The following PRKN variants were observed in gnomAD, a reference collection of about 807,000 sequenced individuals.
PRKN encodes the protein E3 ubiquitin-protein ligase parkin.
A neutral mutation model predicts 59.5 loss-of-function variants in PRKN; 56 were observed. The ratio of observed to expected loss-of-function variants is 0.94; its 90% CI spans 0.76 to 1.18. The LOEUF (loss-of-function observed/expected upper bound fraction) is 1.18, where lower values mean the gene tolerates loss of function less well. Among genes scored for constraint, PRKN ranks in the 50% most tolerant of loss-of-function variants. The probability of loss-of-function intolerance (pLI) is 0.00; values close to 1 mark genes in which losing one functional copy is unlikely to be tolerated. For missense variants in PRKN, 657 were observed against 596.4 expected (o/e 1.10, Z -1.06); for synonymous variants, 250 against 222.1 (o/e 1.13, Z -1.12).
intron 9 of PRKN, among the ~76,000 whole-genome samples, chr6:161,421,440 C>T (rs1047685518): frequency 2.6e-5 from 4 of 152,150 alleles, no homozygotes; most frequent in African/African-American, 9.7e-5. Flanking sequence ...GAACCAATGT[C>T]CTGAGTTCAT....
intron 10 of PRKN, among the ~76,000 whole-genome samples, chr6:161,368,876 CAT>C (rs1434031114): frequency 5.3e-5 from 8 of 152,216 alleles, no homozygotes; most frequent in African/African-American, 9.7e-5. Flanking sequence ...CTGCACCTAA[CAT>C]GTGGGAAAGG....
intron 2 of PRKN, among the ~76,000 whole-genome samples, chr6:162,330,045 G>A (rs921410209): frequency 3.9e-5 from 6 of 152,118 alleles, no homozygotes; most frequent in South Asian, 2.1e-4. Flanking sequence ...ATAGCTCTAC[G>A]TCTTAGAAAG....
At chr6:162,178,971 G>A (rs902007393) in intron 4 of PRKN, among the ~76,000 whole-genome samples, 74 of 152,160 alleles carry the variant, frequency 4.9e-4, no homozygotes, top group East Asian at 4.5e-3. Context: ...TCCTGGCCTC[G>A]AGCGATCCTC....
rs1396751647 is a variant in PRKN at position 161,663,318 on chromosome 6, T to C, written c.872-93902A>G. ...AGCTCTGACACCGGACCTTCGACTT[T>C]GGCGAAGTCTCTGACCACTCTGTGT... On this transcript the variant is annotated intron_variant, in intron 7 of 11. Coordinates refer to ENST00000366898, the MANE Select transcript of PRKN (RefSeq NM_004562.3). Among the ~76,000 whole-genome samples, 7 of 152,314 alleles carry C rather than the reference T, an allele frequency of 4.6e-5. No individual in the cohort carries two copies. In the East Asian group the frequency reaches 1.2e-3, roughly 25 times the overall value.
At chr6:161,611,940 C>A (rs1274962665) in intron 7 of PRKN, among the ~76,000 whole-genome samples, 1 of 152,144 alleles carries the variant, frequency 6.6e-6, no homozygotes, top group East Asian at 1.9e-4. Flanking sequence ...AAGCAAACAG[C>A]CTTATTGCTG....
intron 9 of PRKN, among the ~76,000 whole-genome samples, chr6:161,506,674 T>A (rs4708912): frequency 6.6e-6 from 1 of 151,920 alleles, no homozygotes; most frequent in African/African-American, 2.4e-5. Flanking sequence ...GAGTGGCAGG[T>A]GGCTGTGGGG....
At chr6:162,034,306 C>T (rs920396457) in intron 5 of PRKN, among the ~76,000 whole-genome samples, 6 of 151,696 alleles carry the variant, frequency 4.0e-5, no homozygotes, top group African/African-American at 9.7e-5. Context: ...ATGGAAGATG[C>T]TATTATTATT....
chr6:162,052,774 C>T (rs569765816), intron 5 of PRKN, among the ~76,000 whole-genome samples: 1 of 149,892 alleles, frequency 6.7e-6, no homozygotes, highest in East Asian at 2.0e-4. Context: ...AGAATGTTGA[C>T]CCTAAAAACT....
intron 1 of PRKN, chr6:162,568,389 G>C: frequency 2.1e-6 from 1 of 470,124 alleles, no homozygotes; most frequent in South Asian, 2.3e-5. Context: ...ATGTCCATCA[G>C]GGTGACCCAG....
intron 2 of PRKN, among the ~76,000 whole-genome samples, chr6:162,282,325 T>C (rs1235836580): frequency 6.7e-6 from 1 of 150,364 alleles, no homozygotes; most frequent in Non-Finnish European, 1.5e-5. Context: ...AAGAAGAGTA[T>C]ATTAAAAAAA....
At chr6:161,366,662 A>G (rs1785211500) in intron 10 of PRKN, among the ~76,000 whole-genome samples, 1 of 152,168 alleles carries the variant, frequency 6.6e-6, no homozygotes, top group African/African-American at 2.4e-5. Context: ...CAACTGTAAC[A>G]ACAGCTGGGT....
At chr6:162,719,911 A>AC (rs1778870168) in intron 1 of PRKN, among the ~76,000 whole-genome samples, 5 of 150,768 alleles carry the variant, frequency 3.3e-5, no homozygotes, top group African/African-American at 1.2e-4. Flanking sequence ...AAAAAAAAAA[A>AC]AAAAAAAACT....
intron 9 of PRKN, among the ~76,000 whole-genome samples, chr6:161,411,435 T>C (rs1040264534): frequency 1.3e-5 from 2 of 152,182 alleles, no homozygotes; most frequent in South Asian, 2.1e-4. Flanking sequence ...CCATGTGGAA[T>C]TGTGAGTCAG....
intron 2 of PRKN, among the ~76,000 whole-genome samples, chr6:162,314,907 G>A (rs1041025514): frequency 6.6e-6 from 1 of 152,082 alleles, no homozygotes; most frequent in African/African-American, 2.4e-5. Context: ...CTACTGCCAA[G>A]GAAGGTCCCC....
rs575931259 is a variant in PRKN, at chr6:162,543,254, T to C, written c.8-99781A>G. Reference sequence around the variant, plus strand: ...TTGACATATTAAGCCAAGAATATGATTGGACTATTACATAGGCTAATCTAG... The same window carrying C: ...TTGACATATTAAGCCAAGAATATGACTGGACTATTACATAGGCTAATCTAG... On this transcript the variant is annotated intron_variant, in intron 1 of 11. Coordinates refer to ENST00000366898, the MANE Select transcript of PRKN (RefSeq NM_004562.3). Among the ~76,000 whole-genome samples the C allele has an allele frequency of 1.6e-3, 249 of 152,230 alleles. 1 individual carries two copies. The highest frequency in any genetic ancestry group is 5.4e-3 in the African/African-American group (226 of 41,526).
chr6:161,685,193 A>G (rs1326119061), intron 7 of PRKN, among the ~76,000 whole-genome samples: 1 of 152,114 alleles, frequency 6.6e-6, no homozygotes, highest in East Asian at 1.9e-4. Flanking sequence ...AGTTTTTTCT[A>G]CTTCATCTGT....
At chr6:162,691,765 A>C (rs1332396768) in intron 1 of PRKN, among the ~76,000 whole-genome samples, 1 of 152,208 alleles carries the variant, frequency 6.6e-6, no homozygotes, top group African/African-American at 2.4e-5. Flanking sequence ...AACCAGTGAG[A>C]AATAAATTCA....
intron 6 of PRKN, among the ~76,000 whole-genome samples, chr6:161,915,210 C>T (rs1260437257): frequency 6.6e-6 from 1 of 152,108 alleles, no homozygotes; most frequent in Non-Finnish European, 1.5e-5. Flanking sequence ...TATTTGAACC[C>T]AGGAGGTGGA....
intron 7 of PRKN, among the ~76,000 whole-genome samples, chr6:161,713,014 A>C (rs187214134): frequency 6.6e-6 from 1 of 152,250 alleles, no homozygotes; most frequent in Non-Finnish European, 1.5e-5. Context: ...AAGACTAGAG[A>C]CCTCAATCAC....
Sources: allele counts gnomAD v4.1 joint callset (sites outside exome capture counted in the v4.1 genomes callset), GRCh38; gene constraint gnomAD v4.1.1; transcripts MANE v1.5; gene names NCBI Gene and HGNC (gene_info 2026-07-23, HGNC 2026-07-21).